NME9: variants seen among roughly 807,000 people sequenced by gnomAD.
NME9 encodes thioredoxin domain-containing protein 6.
In NME9, 48 loss-of-function variants were observed where a neutral mutation model predicts 44.4. The ratio of observed to expected loss-of-function variants is 1.08; its 90% CI spans 0.86 to 1.37. NME9 has a LOEUF of 1.37. Among genes scored for constraint, NME9 ranks in the 40% most tolerant of loss-of-function variants. The probability of loss-of-function intolerance (pLI) is 0.00; values close to 1 mark genes in which losing one functional copy is unlikely to be tolerated. For missense variants in NME9, 325 were observed against 405.2 expected, an observed-to-expected ratio of 0.80 and a Z score of 1.70; for synonymous variants, 139 against 147.1, an observed-to-expected ratio of 0.94 and a Z score of 0.40.
intron 8 of NME9, chr3:138,284,649 G>A: frequency 1.4e-6 from 1 of 702,886 alleles, no homozygotes; most frequent in Non-Finnish European, 2.4e-6. Flanking sequence ...TGACTCCTCA[G>A]ATTCAAAGAA....
chr3:138,299,770 G>A (rs1044990709), downstream of NME9, among the ~76,000 whole-genome samples: 1 of 152,094 alleles, frequency 6.6e-6, no homozygotes, highest in Non-Finnish European at 1.5e-5. Context: ...AACACTCCCC[G>A]CCGACAGGCT....
intron 8 of NME9, among the ~76,000 whole-genome samples, chr3:138,285,905 A>G (rs1421532150): frequency 1.3e-5 from 2 of 152,132 alleles, no homozygotes; most frequent in Non-Finnish European, 2.9e-5. Context: ...TCTCATACCC[A>G]TCGAGACATA....
At chr3:138,267,703 C>T (rs1311241705) in intron 8 of NME9, among the ~76,000 whole-genome samples, 2 of 151,882 alleles carry the variant, frequency 1.3e-5, no homozygotes, top group African/African-American at 4.8e-5. Context: ...GATGGGGGTT[C>T]CCTTCTGCAT....
chr3:138,277,477 A>G (rs2049411376), intron 8 of NME9, among the ~76,000 whole-genome samples: 1 of 152,258 alleles, frequency 6.6e-6, no homozygotes, highest in Non-Finnish European at 1.5e-5. Context: ...ATCCACCGGA[A>G]GGAATATTTG....
At chr3:138,302,936 T>C (rs1577113978) in intron 10 of NME9, among the ~76,000 whole-genome samples, 1 of 152,292 alleles carries the variant, frequency 6.6e-6, no homozygotes, top group Middle Eastern at 3.4e-3. Context: ...CCCCTTGGGG[T>C]TCTCACCCAG....
chr3:138,327,049 G>T (rs1407000544), intron 1 of NME9: 3 of 150,112 alleles, frequency 2.0e-5, no homozygotes, highest in Non-Finnish European at 4.4e-5. Flanking sequence ...CCAGCTACTC[G>T]GGAGGCTGAG....
downstream of NME9, chr3:138,297,905 A>G (rs750474237): frequency 6.6e-6 from 1 of 152,252 alleles, no homozygotes; most frequent in Non-Finnish European, 1.5e-5. Flanking sequence ...TGCTGAGACA[A>G]TCTTGAACCC....
In NME9 at chr3:138,301,201, T is replaced by C. The variant is rs1333130251; in HGVS notation, c.*439A>G. 1.6e-6 allele frequency: 1 copy of C among 624,254 alleles called. No homozygotes were observed. The highest frequency in any genetic ancestry group is 2.0e-5 in the African/African-American group (1 of 49,118). 38.7% of individuals were successfully genotyped at this position (624,254 alleles called of 1,614,324 possible). ...AGTATATACTATTCTCTTTCTTTAC[T>C]TTTTTTTTTATTATTATTATTAAGA... On this transcript the variant is annotated 3_prime_UTR_variant, in exon 11 of 11. Coordinates refer to ENST00000333911, the MANE Select transcript of NME9 (RefSeq NM_001349018.2).
chr3:138,276,208 G>A lies in NME9; in HGVS notation c.746-13622C>T, dbSNP rs147808715. Among the ~76,000 whole-genome samples, 204 of 152,252 alleles carry A rather than the reference G, an allele frequency of 1.3e-3. 1 individual carries two copies. The highest frequency in any genetic ancestry group is 0.012 in the South Asian group (57 of 4,826). ...GGCGAGTATGGGAGGCTAAACAGTC[G>A]GCTCACTAGCTAGAAGTTTAATGCT... On this transcript the variant is annotated intron_variant, in intron 8 of 8. Transcript: ENST00000317876.
intron 6 of NME9, among the ~76,000 whole-genome samples, chr3:138,312,433 AC>A (rs2052765201): frequency 6.6e-6 from 1 of 152,104 alleles, no homozygotes; most frequent in South Asian, 2.1e-4. Flanking sequence ...AGAATAGCGA[AC>A]CCAGATGTAA....
intron 8 of NME9, among the ~76,000 whole-genome samples, chr3:138,281,231 T>C (rs2049885254): frequency 6.6e-6 from 1 of 152,048 alleles, no homozygotes; most frequent in South Asian, 2.1e-4. Context: ...TGTGTGTGTG[T>C]GTGTAGTTTT....
chr3:138,293,939 A>G (rs1225716585), intron 8 of NME9, among the ~76,000 whole-genome samples: 2 of 152,154 alleles, frequency 1.3e-5, no homozygotes, highest in African/African-American at 4.8e-5. Context: ...CCGTAAAATA[A>G]TAGAATCAAG....
intron 8 of NME9, among the ~76,000 whole-genome samples, chr3:138,288,290 A>G (rs1032962707): frequency 2.0e-5 from 3 of 152,204 alleles, no homozygotes; most frequent in African/African-American, 7.2e-5. Context: ...GATAACCAGT[A>G]GCTTAAGAGA....
At chr3:138,304,847 G>A (rs2052116866) in intron 9 of NME9, 26 bp downstream of exon 9, 2 of 1,608,540 alleles carry the variant, frequency 1.2e-6, no homozygotes, top group Non-Finnish European at 1.7e-6. Flanking sequence ...TAAGATGGAT[G>A]AAAGGACCAC....
intron 8 of NME9, chr3:138,267,313 G>T: frequency 3.3e-6 from 3 of 906,676 alleles, no homozygotes; most frequent in Non-Finnish European, 4.9e-6. Flanking sequence ...TTTTATAGTA[G>T]TTGACATTGA....
Position 138,329,674 on chromosome 3 carries a change from C to G in NME9, c.-339G>C. On this transcript the variant is annotated 5_prime_UTR_variant, in exon 1 of 11. Transcript: ENST00000333911. ...GTGCGCCGGGCGCGGTGCAGCCTGT[C>G]GGGCACAGGGTCGCCAGTCGAGGAA... 7 of 1,157,722 alleles carry G rather than the reference C, an allele frequency of 6.0e-6. No individual in the cohort carries two copies. The highest frequency in any genetic ancestry group is 5.1e-5 in the East Asian group (1 of 19,714). 71.7% of individuals were successfully genotyped at this position (1,157,722 alleles called of 1,614,324 possible).
intron 8 of NME9, among the ~76,000 whole-genome samples, chr3:138,285,025 A>G (rs934918961): frequency 6.6e-6 from 1 of 152,176 alleles, no homozygotes; most frequent in African/African-American, 2.4e-5. Flanking sequence ...CATTCTGTCA[A>G]CATCTCCTGA....
intron 5 of NME9, 89 bp downstream of exon 5, chr3:138,315,438 G>A: frequency 1.2e-6 from 1 of 843,660 alleles, no homozygotes; most frequent in Admixed American, 2.2e-5. Flanking sequence ...ACAGCTCCAG[G>A]AAAGTCAGGT....
At chr3:138,286,371 A>G (rs1235033883) in intron 8 of NME9, among the ~76,000 whole-genome samples, 2 of 152,162 alleles carry the variant, frequency 1.3e-5, no homozygotes, top group South Asian at 2.1e-4. Context: ...AGGGCCACCA[A>G]TGACTTCCAT....
Sources: allele counts gnomAD v4.1 joint callset (sites outside exome capture counted in the v4.1 genomes callset), GRCh38; gene constraint gnomAD v4.1.1; transcripts MANE v1.5; gene names NCBI Gene and HGNC (gene_info 2026-07-23, HGNC 2026-07-21).